ECT2L: variants seen among roughly 807,000 people sequenced by gnomAD.
ECT2L encodes epithelial cell-transforming sequence 2 oncogene-like.
Under a neutral mutation model 122.8 loss-of-function variants are expected in ECT2L, and 126 were observed. The observed-to-expected ratio is 1.03, with a 90% CI of 0.89 to 1.19. ECT2L has a LOEUF of 1.19. ECT2L is among the 50% of genes most tolerant of loss of function. The pLI is 0.00. For missense variants in ECT2L, 1,012 were observed against 1,064.1 expected (o/e 0.95, Z 0.68); for synonymous variants, 385 against 381.8 (o/e 1.01, Z -0.10).
Position 138,827,711 on chromosome 6 carries a change from A to G in ECT2L, c.180-10641A>G, listed in dbSNP as rs140689435. Among the ~76,000 whole-genome samples, 69 of 152,172 alleles carry G rather than the reference A, an allele frequency of 4.5e-4. No homozygotes were observed. The East Asian group carries it at 8.6e-3, about 19-fold the overall frequency. ...GTAGCTGGGATTACAGGTGCATGCC[A>G]CCACACCCAGCTAATTTTTATATTT... On this transcript the variant is annotated intron_variant, in intron 4 of 21. Coordinates refer to ENST00000541398, the MANE Select transcript of ECT2L (RefSeq NM_001077706.3).
rs143270387 is a variant in ECT2L, at chr6:138,845,658, C to A, written c.765-881C>A. Among the ~76,000 whole-genome samples the A allele has an allele frequency of 5.1e-4, 77 of 152,310 alleles. 1 individual carries two copies. The East Asian group carries it at 0.015, about 29-fold the overall frequency. ...ATGTCAAAGTGTCAAACACTAGAAC[C>A]TAAAACTCTAAAATTCCAGCACTCT... On this transcript the variant is annotated intron_variant, in intron 7 of 21. Coordinates refer to ENST00000541398, the MANE Select transcript of ECT2L (RefSeq NM_001077706.3).
chr6:138,802,966 C>T (rs1411451009), intron 1 of ECT2L, among the ~76,000 whole-genome samples: 1 of 151,934 alleles, frequency 6.6e-6, no homozygotes, highest in Admixed American at 6.5e-5. Context: ...ATCCCAGCTA[C>T]TCAGGAAGCT....
intron 13 of ECT2L, among the ~76,000 whole-genome samples, chr6:138,872,770 G>C (rs1049689847): frequency 6.6e-6 from 1 of 151,998 alleles, no homozygotes; most frequent in African/African-American, 2.4e-5. Context: ...TGACTCCCTG[G>C]AATCCTTATT....
intron 1 of ECT2L, among the ~76,000 whole-genome samples, chr6:138,807,924 T>C (rs1346432446): frequency 6.6e-6 from 1 of 152,212 alleles, no homozygotes; most frequent in Non-Finnish European, 1.5e-5. Flanking sequence ...ACTAGCTTTA[T>C]AATAAGTAAG....
chr6:138,798,129 C>T (rs1026887004), intron 1 of ECT2L, among the ~76,000 whole-genome samples: 2 of 152,206 alleles, frequency 1.3e-5, no homozygotes, highest in African/African-American at 4.8e-5. Context: ...GCCTTCTCAG[C>T]CCCTCCACAT....
rs746761501 is a variant in ECT2L, at chr6:138,849,418, A to T, written c.1053A>T (p.Glu351Asp). ...TATTTAGCGATGGAGACAGCAGAGA[A>T]ATCAATTTACTCCAAGGTAGGCCTG... Reference protein sequence around the residue: ...IGIFSDGDSREINLLQGYKIG... With the variant: ...IGIFSDGDSRDINLLQGYKIG... The change falls in exon 9 of 22, where the codon GAA (glutamate) becomes GAT (aspartate). Residue 351 changes from glutamate (E) to aspartate (D), a missense_variant. Transcript: ENST00000541398. The T allele has an allele frequency of 6.8e-6, 11 of 1,613,416 alleles. No homozygotes were observed. The highest frequency in any genetic ancestry group is 8.5e-6 in the Non-Finnish European group (10 of 1,179,716).
intron 5 of ECT2L, among the ~76,000 whole-genome samples, chr6:138,839,749 T>C (rs1776974014): frequency 6.6e-6 from 1 of 152,236 alleles, no homozygotes; most frequent in African/African-American, 2.4e-5. Context: ...CCCATTTGTT[T>C]TATGTTTTTT....
intron 1 of ECT2L, among the ~76,000 whole-genome samples, chr6:138,807,509 T>C (rs1297665969): frequency 6.6e-6 from 1 of 152,120 alleles, no homozygotes; most frequent in Non-Finnish European, 1.5e-5. Flanking sequence ...CTCACTAGCC[T>C]TTCTCTAGAC....
chr6:138,889,497 T>G (rs969477135), intron 20 of ECT2L, among the ~76,000 whole-genome samples: 2 of 152,104 alleles, frequency 1.3e-5, no homozygotes, highest in African/African-American at 4.8e-5. Context: ...TTTTTGTATT[T>G]TTAGTAGTGA....
chr6:138,845,092 A>G (rs1338670787), intron 7 of ECT2L, among the ~76,000 whole-genome samples: 2 of 152,216 alleles, frequency 1.3e-5, no homozygotes, highest in Non-Finnish European at 2.9e-5. Flanking sequence ...ATGTACAAAT[A>G]TAATTCTTTT....
chr6:138,798,189 G>A (rs1775408701), intron 1 of ECT2L, among the ~76,000 whole-genome samples: 1 of 152,146 alleles, frequency 6.6e-6, no homozygotes, highest in Non-Finnish European at 1.5e-5. Context: ...GATTTTAATG[G>A]AGGATTCATT....
chr6:138,881,811 C>T (rs77790746), intron 15 of ECT2L, among the ~76,000 whole-genome samples: 2,260 of 152,152 alleles, frequency 0.015, 33 homozygotes, highest in Admixed American at 0.045. Context: ...CAACAGGGAG[C>T]GGTTGTAAAT....
chr6:138,892,055 C>T (rs1562495960), intron 20 of ECT2L, among the ~76,000 whole-genome samples: 1 of 152,084 alleles, frequency 6.6e-6, no homozygotes. Context: ...ATCTGGTATT[C>T]CCATTATGCA....
chr6:138,837,115 G>A (rs533543139), intron 4 of ECT2L, among the ~76,000 whole-genome samples: 10 of 152,162 alleles, frequency 6.6e-5, no homozygotes, highest in Non-Finnish European at 1.2e-4. Flanking sequence ...TACATATACA[G>A]CCATCTGTCT....
chr6:138,872,393 G>A (rs1489121846), intron 13 of ECT2L, among the ~76,000 whole-genome samples: 2 of 152,186 alleles, frequency 1.3e-5, no homozygotes, highest in African/African-American at 2.4e-5. Flanking sequence ...GGAGGATGAG[G>A]CTGATACACA....
intron 17 of ECT2L, 39 bp downstream of exon 17, chr6:138,885,618 A>C: frequency 6.2e-7 from 1 of 1,614,064 alleles, no homozygotes; most frequent in Non-Finnish European, 8.5e-7. Context: ...GTCCCCCCAG[A>C]GAGGGCATTC....
intron 1 of ECT2L, among the ~76,000 whole-genome samples, 187 bp downstream of exon 1, chr6:138,796,379 A>G (rs1389778147): frequency 1.3e-5 from 2 of 152,190 alleles, no homozygotes; most frequent in Non-Finnish European, 2.9e-5. Context: ...GATTCTGAAG[A>G]GGCTCTGGGG....
chr6:138,868,011 A>AAAAAG, intron 12 of ECT2L, 92 bp from the exon 13 acceptor site: 1 of 793,982 alleles, frequency 1.3e-6, no homozygotes, highest in South Asian at 2.2e-5. Context: ...AAAAAAAAAA[A>AAAAAG]AAAAAAAAGA....
At chr6:138,825,626 A>G (rs1776421043) in intron 4 of ECT2L, among the ~76,000 whole-genome samples, 1 of 152,222 alleles carries the variant, frequency 6.6e-6, no homozygotes, top group South Asian at 2.1e-4. Context: ...GATAAGCAAA[A>G]AGAGGGAAAT....
Sources: allele counts gnomAD v4.1 joint callset (sites outside exome capture counted in the v4.1 genomes callset), GRCh38; gene constraint gnomAD v4.1.1; transcripts MANE v1.5; gene names NCBI Gene and HGNC (gene_info 2026-07-23, HGNC 2026-07-21).